FIBP: variants seen among roughly 807,000 people sequenced by gnomAD.
FIBP encodes FGF1 intracellular binding protein, also known as acidic fibroblast growth factor intracellular-binding protein.
Under a neutral mutation model 40.5 loss-of-function variants are expected in FIBP, and 29 were observed. The observed-to-expected ratio is 0.72, with a 90% confidence interval of 0.53 to 0.98. The LOEUF (loss-of-function observed/expected upper bound fraction) is 0.98. Among genes scored for constraint, FIBP ranks in the 50% least tolerant of loss-of-function variants. The pLI is 0.00. For synonymous variants in FIBP, 215 were observed against 191.1 expected (o/e 1.13, Z -1.03); for missense variants, 411 against 470.2 (o/e 0.87, Z 1.16).
At chr11:65,885,734 C>T (rs1457051447) in intron 4 of FIBP, 71 bp from the exon 5 acceptor site, 11 of 1,463,552 alleles carry the variant, frequency 7.5e-6, no homozygotes, top group Middle Eastern at 1.8e-4. Flanking sequence ...CACCTGCAAC[C>T]TCAGCTGGGT....
At position 65,883,809 on chromosome 11, in the gene FIBP, TC is replaced by T; in HGVS notation, c.*164del. 2 of 745,350 alleles carry T rather than the reference TC, an allele frequency of 2.7e-6. No homozygotes were observed. The highest frequency in any genetic ancestry group is 3.4e-5 in the South Asian group (2 of 58,002). The allele number at this position is 745,350 out of a possible 1,614,324, so 46.2% of individuals were successfully genotyped here. On this transcript the variant is annotated 3_prime_UTR_variant, in exon 10 of 10. Transcript: ENST00000357519. ...ACCATTCCCTGAGATATGTCTCAGT[TC>T]CCAAGGAGCCACTGTACACATCCAT...
At chr11:65,885,326 C>T in intron 5 of FIBP, 140 bp from the exon 6 acceptor site, 1 of 919,000 alleles carries the variant, frequency 1.1e-6, no homozygotes, top group East Asian at 2.4e-5. Flanking sequence ...GTGACATGCC[C>T]CAGGCCACAG....
chr11:65,888,048 A>G lies in FIBP; in HGVS notation c.170T>C (p.Met57Thr). 2 of 1,611,348 alleles carry G rather than the reference A, an allele frequency of 1.2e-6. No homozygotes were observed. Among genetic ancestry groups the G allele is most frequent in the Non-Finnish European group, 1.7e-6 (2 of 1,179,294 alleles). Residue 57 changes from methionine to threonine, a missense_variant, in exon 2 of 10, where the codon ATG (methionine) becomes ACG (threonine). Physicochemically the swap from Met to Thr is moderately conservative, Grantham distance 81. Transcript: ENST00000357519. ...CATGTGGAAGGTGCGGTAATGGTCC[A>G]TGGTGTCGCTCTGCAGCACCGCTGC... ...ATAAVLQSDTMDHYRTFHMLE... is the reference protein window; with the variant it reads ...ATAAVLQSDTTDHYRTFHMLE...
Position 65,883,926 on chromosome 11 carries a change from A to G in FIBP, c.*48T>C, listed in dbSNP as rs1209216628. On this transcript the variant is annotated 3_prime_UTR_variant, in exon 10 of 10. Transcript: ENST00000357519. ...CCCCGGAGCGAGGACCAGTCTCCAA[A>G]CTCAGAGCAACTTTATTGTCAGCGT... 1 of 1,572,868 alleles carries G rather than the reference A, an allele frequency of 6.4e-7. No individual in the cohort carries two copies. Among genetic ancestry groups the G allele is most frequent in the Non-Finnish European group, 8.7e-7 (1 of 1,146,038 alleles).
intron 4 of FIBP, 54 bp from the exon 5 acceptor site, chr11:65,885,717 C>A: frequency 6.5e-7 from 1 of 1,537,148 alleles, no homozygotes; most frequent in Non-Finnish European, 8.8e-7. Flanking sequence ...TCTTAGGAAG[C>A]AGCTCCCACC....
Position 65,884,641 on chromosome 11 carries a change from G to GC in FIBP, c.834dup (p.Leu279AlafsTer12), listed in dbSNP as rs776235100. On this transcript the variant is annotated frameshift_variant, in exon 8 of 10. Transcript: ENST00000357519. LOFTEE classifies it high-confidence loss of function. ...GTCAGCTTGGCGGCCACGTTCACCA[G>GC]CCCCCGGGACAGGTTCTGTGGGGCA... 3.1e-6 allele frequency: 5 copies of GC among 1,614,070 alleles called. No homozygotes were observed. The South Asian group carries it at 5.5e-5, about 18-fold the overall frequency.
intron 9 of FIBP, 52 bp from the exon 10 acceptor site, chr11:65,884,095 G>A (rs752598076): frequency 7.0e-7 from 1 of 1,433,092 alleles, no homozygotes; most frequent in Non-Finnish European, 9.8e-7. Flanking sequence ...TCACCGTGAT[G>A]GAGGCCCTGC....
Position 65,883,742 on chromosome 11 carries a change from G to A in FIBP, c.*232C>T. The A allele has an allele frequency of 7.7e-6, 7 of 904,286 alleles. 1 individual carries two copies. In the South Asian group the frequency reaches 1.0e-4, roughly 13 times the overall value. 56.0% of individuals were successfully genotyped at this position (904,286 alleles called of 1,614,324 possible). ...TGAATAAACCAAGACAAGACCTCTG[G>A]CTTGTGAGCAGACTCTTCTGGTGGA... is the stretch of plus-strand genomic sequence containing the variant. On this transcript the variant is annotated 3_prime_UTR_variant, in exon 10 of 10. Transcript: ENST00000357519.
At position 65,883,908 on chromosome 11, in the gene FIBP, G is replaced by T; in HGVS notation, c.*66C>A. On this transcript the variant is annotated 3_prime_UTR_variant, in exon 10 of 10. Coordinates refer to ENST00000357519, the MANE Select transcript of FIBP (RefSeq NM_004214.5). ...GCACGCCCCCCACTTGCTCCCCGGA[G>T]CGAGGACCAGTCTCCAAACTCAGAG... 1 of 1,423,738 alleles carries T rather than the reference G, an allele frequency of 7.0e-7. No individual in the cohort carries two copies. Among genetic ancestry groups the T allele is most frequent in the Non-Finnish European group, 9.8e-7 (1 of 1,017,172 alleles). 88.2% of individuals were successfully genotyped at this position (1,423,738 alleles called of 1,614,324 possible). A position where few individuals can be genotyped will look rare whatever the true frequency, so the allele number is the denominator to read the frequency against.
At position 65,887,765 on chromosome 11, in the gene FIBP, G is replaced by A. The variant is rs1029981804; in HGVS notation, c.285-39C>T. The A allele has an allele frequency of 9.4e-6, 15 of 1,587,992 alleles. No homozygotes were observed. The African/African-American group carries it at 1.8e-4, about 19-fold the overall frequency. ...AGAACACCATTGACCCTCCATAAAAGACAGGAAAGGGAGTCTGGCGGGGCC... is the reference window on the plus strand; with the variant it reads ...AGAACACCATTGACCCTCCATAAAAAACAGGAAAGGGAGTCTGGCGGGGCC... On this transcript the variant is annotated intron_variant, in intron 2 of 9. Transcript: ENST00000357519.
At chr11:65,885,368 G>T in intron 5 of FIBP, 162 bp downstream of exon 5, 1 of 955,930 alleles carries the variant, frequency 1.0e-6, no homozygotes, top group Non-Finnish European at 1.6e-6. Flanking sequence ...TGCAGACAAG[G>T]TGTGTGTGGG....
chr11:65,887,017 T>G, intron 3 of FIBP: 1 of 212,350 alleles, frequency 4.7e-6, no homozygotes, highest in Non-Finnish European at 9.6e-6. Flanking sequence ...AACAGGACAG[T>G]CCATAGGTCA....
chr11:65,888,398 G>C lies in FIBP; in HGVS notation c.21C>G (p.Ile7Met). 1 of 1,567,422 alleles carries C rather than the reference G, an allele frequency of 6.4e-7. No homozygotes were observed. The highest frequency in any genetic ancestry group is 8.7e-7 in the Non-Finnish European group (1 of 1,155,648). Residue 7 changes from isoleucine to methionine, a missense_variant, in exon 1 of 10, where the codon ATC becomes ATG. Coordinates refer to ENST00000357519, the MANE Select transcript of FIBP (RefSeq NM_004214.5). ...CGATAAGGGTCGTGTTCCCCACGAA[G>C]ATGTCCAGCTCACTGGTCATGGCGA... MTSELDIFVGNTTLIDE... is the reference protein window; with the variant it reads MTSELDMFVGNTTLIDE...
In FIBP at chr11:65,884,917, C is replaced by T. The variant is rs1412032303; in HGVS notation, c.819+18G>A. ...GGCTGAAGATGCCAAGGGTCAGAGG[C>T]TGGATGGGACCACAGACCTTGAAGT... On this transcript the variant is annotated intron_variant, in intron 7 of 9. Transcript: ENST00000357519. The T allele has an allele frequency of 5.0e-6, 8 of 1,613,958 alleles. No homozygotes were observed. The highest frequency in any genetic ancestry group is 1.3e-5 in the African/African-American group (1 of 75,048).
chr11:65,888,428 C>T lies in FIBP; in HGVS notation c.-10G>A, dbSNP rs1326940639. 2 of 1,559,298 alleles carry T rather than the reference C, an allele frequency of 1.3e-6. No individual in the cohort carries two copies. Among genetic ancestry groups the T allele is most frequent in the Admixed American group, 1.9e-5 (1 of 52,618 alleles). On this transcript the variant is annotated 5_prime_UTR_variant, in exon 1 of 10. Transcript: ENST00000357519. ...CCAGCTCACTGGTCATGGCGACGCCCGGGGCCGCAGCGCCCCGAGCAGGAG... is the reference window on the plus strand; with the variant it reads ...CCAGCTCACTGGTCATGGCGACGCCTGGGGCCGCAGCGCCCCGAGCAGGAG...
chr11:65,887,975 G>A lies in FIBP; in HGVS notation c.243C>T (p.Ile81=). The stretch of plus-strand genomic sequence containing the variant: ...CCTGCCGGGAGGGCGGAATCTGGAA[G>A]ATGAGCTGGTGCAGTAGCTTGGGCG... The part of the protein sequence containing the change: ...HAPPKLLHQL[I]FQIPPSRQAL... Residue 81 remains isoleucine (I), a synonymous_variant, in exon 2 of 10, where the codon ATC becomes ATT. Coordinates refer to ENST00000357519, the MANE Select transcript of FIBP (RefSeq NM_004214.5). 6.2e-7 allele frequency: 1 copy of A among 1,613,810 alleles called. No homozygotes were observed. The highest frequency in any genetic ancestry group is 8.5e-7 in the Non-Finnish European group (1 of 1,179,926).
intron 3 of FIBP, 106 bp downstream of exon 3, chr11:65,887,494 A>G (rs1468369550): frequency 1.7e-6 from 2 of 1,177,216 alleles, no homozygotes; most frequent in South Asian, 1.2e-5. Flanking sequence ...GGAGAAGACT[A>G]GGTATGAAGC....
rs907753188 is a variant in FIBP, at chr11:65,886,063, G to C, written c.512+259C>G. 6.4e-6 allele frequency: 3 copies of C among 471,112 alleles called. No individual in the cohort carries two copies. In the Middle Eastern group the frequency reaches 1.8e-3, roughly 284 times the overall value. 29.2% of individuals were successfully genotyped at this position (471,112 alleles called of 1,614,324 possible). A position where few individuals can be genotyped will look rare whatever the true frequency, so the allele number is the denominator to read the frequency against. On this transcript the variant is annotated intron_variant, in intron 4 of 9. Transcript: ENST00000357519. ...CTCAAGCCTGTAATCCCAGCTACTC[G>C]GGAGGCTGAGGCAGAATTGCTTGAA... is the stretch of plus-strand genomic sequence containing the variant.
intron 3 of FIBP, chr11:65,887,319 G>A (rs1371800328): frequency 1.6e-5 from 7 of 448,198 alleles, no homozygotes; most frequent in Non-Finnish European, 2.5e-5. Flanking sequence ...GGGAGCGGGC[G>A]CCTGTAATCT....
Sources: gnomAD v4.1 joint callset for allele counts on GRCh38, gnomAD v4.1.1 for gene constraint, MANE v1.5 for transcripts, NCBI Gene and HGNC (gene_info 2026-07-23, HGNC 2026-07-21) for gene names.